AMN: variants seen among roughly 807,000 people sequenced by gnomAD.
AMN encodes protein amnionless.
A neutral mutation model predicts 49.1 loss-of-function variants in AMN; 40 were observed. That is an observed-to-expected ratio of 0.81 (90% CI 0.63 to 1.06). The LOEUF is 1.06. Ranked by LOEUF, AMN falls within the 50% of genes least tolerant of loss-of-function variation. The pLI is 0.00. For synonymous variants in AMN, 380 were observed against 313.3 expected, an observed-to-expected ratio of 1.21 and a Z score of -2.25; for missense variants, 701 against 662.8, an observed-to-expected ratio of 1.06 and a Z score of -0.63.
chr14:102,926,007 C>T (rs1891179044), intron 3 of AMN, among the ~76,000 whole-genome samples: 1 of 152,158 alleles, frequency 6.6e-6, no homozygotes, highest in African/African-American at 2.4e-5. Flanking sequence ...CTTGCCCTTC[C>T]TCCCATTTCT....
intron 3 of AMN, 29 bp downstream of exon 3, chr14:102,924,008 C>A: frequency 6.2e-7 from 1 of 1,613,250 alleles, no homozygotes; most frequent in South Asian, 1.1e-5. Flanking sequence ...TGCCACTGGG[C>A]TGGGGGTTCA....
intron 4 of AMN, 22 bp from the exon 5 acceptor site, chr14:102,928,736 T>C: frequency 6.2e-7 from 1 of 1,600,984 alleles, no homozygotes; most frequent in Admixed American, 1.7e-5. Context: ...TCCGTGGAGC[T>C]CAGGGATGTG....
Position 102,928,853 on chromosome 14 carries a change from G to A in AMN, c.391G>A (p.Asp131Asn). 6.2e-7 allele frequency: 1 copy of A among 1,604,944 alleles called. No individual in the cohort carries two copies. Among genetic ancestry groups the A allele is most frequent in the Non-Finnish European group, 8.5e-7 (1 of 1,179,796 alleles). Residue 131 changes from aspartate (D) to asparagine (N), a missense_variant, in exon 5 of 12, where the codon GAC (aspartate) becomes AAC (asparagine). Asp to Asn is a conservative substitution (Grantham distance 23). Coordinates refer to ENST00000299155, the MANE Select transcript of AMN (RefSeq NM_030943.4). Reference sequence around the variant, plus strand: ...CGAGGCACCTGGCCTCTTCTTCGTGGACGCCGAGCGCGTGCCCTGCCGCCA... The same window carrying A: ...CGAGGCACCTGGCCTCTTCTTCGTGAACGCCGAGCGCGTGCCCTGCCGCCA... ...GDEAPGLFFVDAERVPCRHDD... is the reference protein window; with the variant it reads ...GDEAPGLFFVNAERVPCRHDD...
chr14:102,923,425 A>C (rs1322670226), intron 1 of AMN: 2 of 459,900 alleles, frequency 4.3e-6, no homozygotes, highest in East Asian at 8.8e-5. Flanking sequence ...CTCCAGCGCC[A>C]GGCAAACTGG....
intron 2 of AMN, 50 bp from the exon 3 acceptor site, chr14:102,923,885 G>T: frequency 6.2e-7 from 1 of 1,612,940 alleles, no homozygotes; most frequent in African/African-American, 1.3e-5. Flanking sequence ...AGACCGTGTG[G>T]CCCCGGTGGG....
Position 102,928,934 on chromosome 14 carries a change from G to C in AMN, c.472G>C (p.Ala158Pro). 6.2e-7 allele frequency: 1 copy of C among 1,600,864 alleles called. No individual in the cohort carries two copies. The highest frequency in any genetic ancestry group is 8.5e-7 in the Non-Finnish European group (1 of 1,179,692). Residue 158 changes from alanine to proline, a missense_variant, in exon 5 of 12, where the codon GCT (alanine) becomes CCT (proline). By Grantham distance (27) the Ala-to-Pro change is conservative (BLOSUM62 -1). Transcript: ENST00000299155. The part of the protein sequence containing the change: ...ASFRVGLGPG[A>P]SPVRVRSISA... ...CTTCCGCGTGGGGCTCGGCCCTGGC[G>C]CTAGCCCCGTGCGTGTCCGCAGCAT...
Position 102,929,121 on chromosome 14 carries a change from A to G in AMN, c.514A>G (p.Thr172Ala). Reference protein sequence around the residue: ...RVRSISALGRTFTRDEDLAVF... With the variant: ...RVRSISALGRAFTRDEDLAVF... ...CCGGTGGGGACCCGGCTGCCCGCAGACGTTCACGCGCGACGAGGACCTGGC... is the reference window on the plus strand; with the variant it reads ...CCGGTGGGGACCCGGCTGCCCGCAGGCGTTCACGCGCGACGAGGACCTGGC... The change falls in exon 6 of 12, where the codon ACG becomes GCG. Residue 172 changes from threonine to alanine, a missense_variant and splice_region_variant. Physicochemically the swap from Thr to Ala is moderately conservative, Grantham distance 58 (BLOSUM62 0). Transcript: ENST00000299155. 6.3e-7 allele frequency: 1 copy of G among 1,597,474 alleles called. No homozygotes were observed. The highest frequency in any genetic ancestry group is 1.1e-5 in the South Asian group (1 of 91,046).
intron 7 of AMN, 54 bp from the exon 8 acceptor site, chr14:102,929,601 C>T: frequency 1.3e-5 from 20 of 1,547,386 alleles, no homozygotes; most frequent in Non-Finnish European, 1.7e-5. Flanking sequence ...TCCCCCGCCT[C>T]AGTTTCCTGC....
chr14:102,930,524 C>T (rs2139313758), intron 11 of AMN, 31 bp downstream of exon 11: 5 of 1,542,754 alleles, frequency 3.2e-6, no homozygotes, highest in Middle Eastern at 2.0e-4. Context: ...ACCGGGGCCT[C>T]CTCGGGGCCG....
chr14:102,925,738 T>C (rs1891171848), intron 3 of AMN, among the ~76,000 whole-genome samples: 1 of 152,230 alleles, frequency 6.6e-6, no homozygotes, highest in African/African-American at 2.4e-5. Context: ...ATTCATTCAT[T>C]GATCATCCAT....
intron 8 of AMN, 41 bp downstream of exon 8, chr14:102,929,778 C>A: frequency 6.5e-7 from 1 of 1,547,044 alleles, no homozygotes; most frequent in Non-Finnish European, 8.7e-7. Flanking sequence ...GTCCCGACCC[C>A]AGCCCTACCG....
chr14:102,924,916 GAAC>G (rs1363999174), intron 3 of AMN, among the ~76,000 whole-genome samples: 2 of 151,864 alleles, frequency 1.3e-5, no homozygotes, highest in Non-Finnish European at 2.9e-5. Flanking sequence ...GGGAAAAAAA[GAAC>G]AATCTTTTGT....
chr14:102,927,831 GC>G, intron 3 of AMN, among the ~76,000 whole-genome samples: 1 of 152,284 alleles, frequency 6.6e-6, no homozygotes, highest in South Asian at 2.1e-4. Flanking sequence ...TTGGGCTGTG[GC>G]CCCACTTCTG....
intron 4 of AMN, 29 bp downstream of exon 4, chr14:102,928,542 T>C (rs1425088990): frequency 6.3e-7 from 1 of 1,585,536 alleles, no homozygotes; most frequent in Admixed American, 1.7e-5. Context: ...GGCGGGGCTC[T>C]GGAAAGGCAT....
chr14:102,923,679 G>T (rs914084674), intron 1 of AMN, 32 bp from the exon 2 acceptor site: 1 of 1,575,588 alleles, frequency 6.3e-7, no homozygotes, highest in South Asian at 1.1e-5. Context: ...ATCCCGGAGA[G>T]CATCCCGGGC....
intron 3 of AMN, among the ~76,000 whole-genome samples, chr14:102,926,475 C>T (rs1287659645): frequency 2.0e-5 from 3 of 152,218 alleles, no homozygotes; most frequent in South Asian, 4.1e-4. Context: ...TAATATCCAT[C>T]CCCTTCACTC....
At chr14:102,928,612 CGCCTCCGGGGGCGTGGTTTAGGGA>C in intron 4 of AMN, 99 bp downstream of exon 4, 2 of 1,487,346 alleles carry the variant, frequency 1.3e-6, no homozygotes, top group Non-Finnish European at 1.8e-6. Flanking sequence ...GGAGGGAGGG[CGCCTCCGGGGGCGTGGTTTAGGGA>C]GTGGCGGAAG....
At chr14:102,928,690 G>C in intron 4 of AMN, 68 bp from the exon 5 acceptor site, 1 of 1,545,040 alleles carries the variant, frequency 6.5e-7, no homozygotes, top group Non-Finnish European at 8.7e-7. Flanking sequence ...GACGCGTGGC[G>C]TGGCGTGGCG....
At chr14:102,922,765 G>T in intron 1 of AMN, 34 bp downstream of exon 1, 1 of 1,563,826 alleles carries the variant, frequency 6.4e-7, no homozygotes, top group South Asian at 1.2e-5. Flanking sequence ...GGGCCCGGAC[G>T]GTAGCGGTCT....
Sources: gnomAD v4.1 joint callset for allele counts (sites outside exome capture counted in the v4.1 genomes callset) on GRCh38, gnomAD v4.1.1 for gene constraint, MANE v1.5 for transcripts, NCBI Gene and HGNC (gene_info 2026-07-23, HGNC 2026-07-21) for gene names.